Variants in JADE3 observed in about 807,000 individuals in gnomAD.
JADE3 encodes the protein protein Jade-3.
JADE3 carries 2 observed loss-of-function variants against 50.1 expected under a neutral mutation model. That is an observed-to-expected ratio of 0.04 (90% CI 0.02 to 0.13). JADE3 has a LOEUF of 0.13. Among genes scored for constraint, JADE3 ranks in the 10% least tolerant of loss-of-function variants. JADE3 has a pLI of 1.00. For synonymous variants in JADE3, 218 were observed against 232.9 expected (o/e 0.94, Z 0.58); for missense variants, 475 against 634.4 (o/e 0.75, Z 2.70).
At chrX:46,934,561 G>T (rs182710035) in intron 1 of JADE3, among the ~76,000 whole-genome samples, 13 of 110,888 alleles carry the variant, frequency 1.2e-4, no homozygotes, top group Non-Finnish European at 2.1e-4. Flanking sequence ...GCCTCCCAAA[G>T]TGCTGGGATT....
intron 3 of JADE3, among the ~76,000 whole-genome samples, chrX:46,993,421 A>G (rs782615493): frequency 8.9e-6 from 1 of 112,262 alleles, no homozygotes; most frequent in African/African-American, 3.2e-5. Context: ...ACAAAAAGGG[A>G]CATTGAGGGA....
At chrX:46,979,285 TAAAG>T (rs1485769280) in intron 1 of JADE3, among the ~76,000 whole-genome samples, 3 of 112,315 alleles carry the variant, frequency 2.7e-5, no homozygotes, top group South Asian at 3.7e-4. Context: ...CTCTTTTACT[TAAAG>T]AACAGAATAT....
chrX:46,995,155 T>G (rs1482005133), intron 3 of JADE3, among the ~76,000 whole-genome samples: 1 of 108,182 alleles, frequency 9.2e-6, no homozygotes, highest in Non-Finnish European at 1.9e-5. Flanking sequence ...TCAGTCTCCC[T>G]AGTAGCTGGG....
In JADE3 at chrX:47,059,088, C is replaced by T. The variant is rs1929705470; in HGVS notation, c.*11C>T. 4 of 1,144,636 alleles carry T rather than the reference C, an allele frequency of 3.5e-6. No homozygotes were observed. The highest frequency in any genetic ancestry group is 4.7e-6 in the Non-Finnish European group (4 of 858,333). The allele number at this position is 1,144,636 out of a possible 1,213,427, so 94.3% of individuals were successfully genotyped here. Reference sequence around the variant, plus strand: ...TCAATGCAAAGGTGATTAGAAACTTCCAAGGATGACCCAACCTTTGCCTTT... The same window carrying T: ...TCAATGCAAAGGTGATTAGAAACTTTCAAGGATGACCCAACCTTTGCCTTT... On this transcript the variant is annotated 3_prime_UTR_variant, in exon 11 of 11. Coordinates refer to ENST00000614628, the MANE Select transcript of JADE3 (RefSeq NM_014735.5).
intron 4 of JADE3, among the ~76,000 whole-genome samples, chrX:47,014,401 G>T (rs1556362423): frequency 8.9e-6 from 1 of 111,786 alleles, no homozygotes. Flanking sequence ...CTTCAACTTT[G>T]TCTCTTCCCT....
chrX:46,970,712 T>C (rs782279403), intron 1 of JADE3, among the ~76,000 whole-genome samples: 25 of 111,992 alleles, frequency 2.2e-4, no homozygotes, highest in Non-Finnish European at 4.1e-4. Flanking sequence ...TGTTTAACCT[T>C]ATATGTGAGG....
chrX:46,948,653 A>G (rs1469439074), intron 1 of JADE3, among the ~76,000 whole-genome samples: 1 of 112,242 alleles, frequency 8.9e-6, no homozygotes, highest in Admixed American at 9.5e-5. Context: ...GAAAGTATAT[A>G]GCATATAAGT....
In JADE3 at chrX:46,959,996, G is replaced by A. The variant is rs782253707; in HGVS notation, c.-11-24888G>A. 7.2e-5 allele frequency among the ~76,000 whole-genome samples: 8 copies of A among 111,512 alleles called. No individual in the cohort carries two copies. The South Asian group carries it at 2.7e-3, about 37-fold the overall frequency. The stretch of plus-strand genomic sequence containing the variant: ...TTAATTTACCAAGCTCACTTACCTG[G>A]TTAGCATTTAAATCTATGGACACCA... On this transcript the variant is annotated intron_variant, in intron 1 of 10. Transcript: ENST00000614628.
chrX:46,959,315 G>A (rs1294303291), intron 1 of JADE3, among the ~76,000 whole-genome samples: 3 of 112,244 alleles, frequency 2.7e-5, no homozygotes, highest in African/African-American at 9.7e-5. Context: ...AAAACACTTG[G>A]CTGACTTGTC....
rs782780483 is a variant in JADE3, at chrX:46,937,940, A to G, written c.-12+25221A>G. Reference sequence around the variant, plus strand: ...GGTTGCAGTGAGCTGAGATCACGCCACTGCACTCCATCCTGGGCGATGAGC... The same window carrying G: ...GGTTGCAGTGAGCTGAGATCACGCCGCTGCACTCCATCCTGGGCGATGAGC... On this transcript the variant is annotated intron_variant, in intron 1 of 10. Coordinates refer to ENST00000614628, the MANE Select transcript of JADE3 (RefSeq NM_014735.5). Among the ~76,000 whole-genome samples, 28 of 112,216 alleles carry G rather than the reference A, an allele frequency of 2.5e-4. 1 individual carries two copies. Among genetic ancestry groups the G allele is most frequent in the Middle Eastern group, 9.2e-3 (2 of 217 alleles).
In JADE3 at chrX:46,983,995, G is replaced by A. The variant is rs560788964; in HGVS notation, c.-11-889G>A. On this transcript the variant is annotated intron_variant, in intron 1 of 10. Coordinates refer to ENST00000614628, the MANE Select transcript of JADE3 (RefSeq NM_014735.5). ...GATTGTAAATAGCTTGAAGGCAGTAGCCCTGACCTTTATTCATTATGGAAT... is the reference window on the plus strand; with the variant it reads ...GATTGTAAATAGCTTGAAGGCAGTAACCCTGACCTTTATTCATTATGGAAT... Among the ~76,000 whole-genome samples, 77 of 111,911 alleles carry A rather than the reference G, an allele frequency of 6.9e-4. 1 individual carries two copies. In the South Asian group the frequency reaches 0.029, roughly 42 times the overall value.
chrX:47,056,556 G>C (rs980742425), intron 10 of JADE3, among the ~76,000 whole-genome samples: 8 of 111,737 alleles, frequency 7.2e-5, no homozygotes, highest in Non-Finnish European at 1.5e-4. Context: ...TTAATTCTAG[G>C]GTTACTCATC....
rs1332475604 is a variant in JADE3, at chrX:47,049,197, T to TC, written c.973-4961_973-4960insC. 3.5e-3 allele frequency among the ~76,000 whole-genome samples: 359 copies of TC among 101,297 alleles called. 2 individuals are homozygous for TC. The highest frequency in any genetic ancestry group is 0.012 in the African/African-American group (342 of 27,415). 88.0% of individuals were successfully genotyped at this position (101,297 alleles called of 115,157 possible). On this transcript the variant is annotated intron_variant, in intron 8 of 10. Coordinates refer to ENST00000614628, the MANE Select transcript of JADE3 (RefSeq NM_014735.5). Reference sequence around the variant, plus strand: ...TTTCTTCTTCTTTTTTTTTTTTTTTTTTTTCCCTGAGACTGAGTCTTGCTC... The same window carrying TC: ...TTTCTTCTTCTTTTTTTTTTTTTTTTCTTTTCCCTGAGACTGAGTCTTGCTC...
At chrX:46,968,128 A>T (rs1200566456) in intron 1 of JADE3, among the ~76,000 whole-genome samples, 2 of 112,000 alleles carry the variant, frequency 1.8e-5, no homozygotes, top group Non-Finnish European at 3.8e-5. Context: ...AGTAAGTGAA[A>T]ATCTCACAAA....
chrX:46,985,097 A>T (rs904353495), intron 2 of JADE3, among the ~76,000 whole-genome samples, 157 bp downstream of exon 2: 3 of 112,096 alleles, frequency 2.7e-5, no homozygotes, highest in African/African-American at 9.7e-5. Flanking sequence ...TTTAAATTTC[A>T]TTAGAGATAG....
At chrX:46,915,324 G>A (rs1275692264) in intron 1 of JADE3, among the ~76,000 whole-genome samples, 1 of 111,976 alleles carries the variant, frequency 8.9e-6, no homozygotes, top group African/African-American at 3.3e-5. Context: ...AGAAGACAGA[G>A]GTAATATGCT....
At chrX:47,004,752 A>G (rs1161336875) in intron 4 of JADE3, among the ~76,000 whole-genome samples, 1 of 112,382 alleles carries the variant, frequency 8.9e-6, no homozygotes, top group Non-Finnish European at 1.9e-5. Context: ...CCTTTAATAG[A>G]TAATTTGAAT....
chrX:47,015,842 C>T (rs1569537532), intron 4 of JADE3, among the ~76,000 whole-genome samples: 1 of 105,644 alleles, frequency 9.5e-6, no homozygotes, highest in Non-Finnish European at 1.9e-5. Flanking sequence ...ATCTCAGCCT[C>T]CTGAGTAGCT....
At chrX:46,984,829 C>A in intron 1 of JADE3, 55 bp from the exon 2 acceptor site, 1 of 904,362 alleles carries the variant, frequency 1.1e-6, no homozygotes, top group Non-Finnish European at 1.6e-6. Context: ...GTGTTGACTG[C>A]CCTCTGGGAT....
Sources: gnomAD v4.1 joint callset for allele counts (sites outside exome capture counted in the v4.1 genomes callset) on GRCh38, gnomAD v4.1.1 for gene constraint, MANE v1.5 for transcripts, NCBI Gene and HGNC (gene_info 2026-07-23, HGNC 2026-07-21) for gene names.